The following B3GAT2 variants were observed in gnomAD, a reference collection of about 807,000 sequenced individuals.
B3GAT2 encodes galactosylgalactosylxylosylprotein 3-beta-glucuronosyltransferase 2.
In B3GAT2, 26 loss-of-function variants were observed where a neutral mutation model predicts 27.8. The observed-to-expected ratio is 0.93, with a 90% CI of 0.68 to 1.30. B3GAT2 has a LOEUF of 1.30. B3GAT2 is among the 50% of genes most tolerant of loss of function. The probability of loss-of-function intolerance (pLI) is 0.00; values close to 1 mark genes in which losing one functional copy is unlikely to be tolerated. For missense variants in B3GAT2, 458 were observed against 459.0 expected, an observed-to-expected ratio of 1.00 and a Z score of 0.02; for synonymous variants, 218 against 195.1, an observed-to-expected ratio of 1.12 and a Z score of -0.98.
At chr6:70,882,725 G>A (rs1395611463) in intron 2 of B3GAT2, among the ~76,000 whole-genome samples, 1 of 152,060 alleles carries the variant, frequency 6.6e-6, no homozygotes, top group Non-Finnish European at 1.5e-5. Flanking sequence ...TCAAAAATGG[G>A]CAAAGTCCAA....
intron 1 of B3GAT2, among the ~76,000 whole-genome samples, chr6:70,950,012 CAT>C (rs1463483954): frequency 1.4e-5 from 2 of 146,184 alleles, no homozygotes; most frequent in African/African-American, 5.1e-5. Flanking sequence ...AATGAGAACA[CAT>C]GGACACAGGA....
At chr6:70,907,316 T>A (rs147932288) in intron 1 of B3GAT2, among the ~76,000 whole-genome samples, 1 of 152,276 alleles carries the variant, frequency 6.6e-6, no homozygotes, top group East Asian at 1.9e-4. Context: ...TCCCAGCACA[T>A]TGCCATGTCT....
intron 1 of B3GAT2, among the ~76,000 whole-genome samples, chr6:70,921,410 T>C (rs1369522898): frequency 6.6e-6 from 1 of 152,240 alleles, no homozygotes; most frequent in Non-Finnish European, 1.5e-5. Flanking sequence ...ATGCTTGTGA[T>C]TGCATTATGA....
rs745563017 is a variant in B3GAT2, at chr6:70,861,744, G to C, written c.891C>G (p.Leu297=). Residue 297 remains leucine, a synonymous_variant, in exon 4 of 4, where the codon CTC becomes CTG. Coordinates refer to ENST00000230053, the MANE Select transcript of B3GAT2 (RefSeq NM_080742.3). The stretch of plus-strand genomic sequence containing the variant: ...CCTTCTCTGTCCGAGTGTGCCACAC[G>C]AGAACCTGAAGGGGAAGGAAATAGC... ...EPKANNCTKV[L]VWHTRTEKVN... 6.2e-7 allele frequency: 1 copy of C among 1,614,034 alleles called. No homozygotes were observed. The highest frequency in any genetic ancestry group is 1.1e-5 in the South Asian group (1 of 91,082).
At position 70,857,951 on chromosome 6, in the gene B3GAT2, T is replaced by C; in HGVS notation, c.*3712A>G. On this transcript the variant is annotated 3_prime_UTR_variant, in exon 4 of 4. Coordinates refer to ENST00000230053, the MANE Select transcript of B3GAT2 (RefSeq NM_080742.3). The stretch of plus-strand genomic sequence containing the variant: ...ATTTATGGGACCCACAAATATACCA[T>C]TTACCTCACAAGCACCAGCTGCATT... 3.7e-6 allele frequency: 6 copies of C among 1,614,152 alleles called. No individual in the cohort carries two copies. Among genetic ancestry groups the C allele is most frequent in the Non-Finnish European group, 5.1e-6 (6 of 1,179,998 alleles).
chr6:70,942,533 T>A (rs1239514662), intron 1 of B3GAT2, among the ~76,000 whole-genome samples: 2 of 152,152 alleles, frequency 1.3e-5, no homozygotes, highest in South Asian at 4.1e-4. Context: ...CAATTACTCC[T>A]ACAATCAACA....
chr6:70,949,592 T>C (rs1159063777), intron 1 of B3GAT2, among the ~76,000 whole-genome samples: 1 of 145,928 alleles, frequency 6.9e-6, no homozygotes, highest in Non-Finnish European at 1.5e-5. Context: ...AGGAACACTT[T>C]TACACTGTTG....
intron 2 of B3GAT2, among the ~76,000 whole-genome samples, chr6:70,876,266 T>C (rs1278851249): frequency 6.6e-6 from 1 of 152,196 alleles, no homozygotes; most frequent in African/African-American, 2.4e-5. Flanking sequence ...TTTTAAATGG[T>C]AGCTCTTCAG....
rs760054847 is a variant in B3GAT2, at chr6:70,860,272, A to G, written c.*1391T>C. On this transcript the variant is annotated 3_prime_UTR_variant, in exon 4 of 4. Coordinates refer to ENST00000230053, the MANE Select transcript of B3GAT2 (RefSeq NM_080742.3). ...TGCAGGTTTTGGCCAGCCCTCCAGC[A>G]CAACAGCAGGATGGTCTGGAAGCTC... The G allele has an allele frequency of 4.3e-6, 7 of 1,613,770 alleles. No homozygotes were observed. The highest frequency in any genetic ancestry group is 2.2e-5 in the East Asian group (1 of 44,882).
intron 1 of B3GAT2, among the ~76,000 whole-genome samples, chr6:70,918,947 G>A (rs929905830): frequency 6.6e-6 from 1 of 152,172 alleles, no homozygotes; most frequent in Non-Finnish European, 1.5e-5. Flanking sequence ...GGCCTGCCTT[G>A]CTAGGTTGGG....
At chr6:70,873,495 G>C (rs942618864) in intron 2 of B3GAT2, among the ~76,000 whole-genome samples, 1 of 152,068 alleles carries the variant, frequency 6.6e-6, no homozygotes, top group Non-Finnish European at 1.5e-5. Flanking sequence ...TTACTCTCAA[G>C]ATTCTCTTCA....
At chr6:70,920,765 C>A (rs1408960974) in intron 1 of B3GAT2, among the ~76,000 whole-genome samples, 1 of 152,110 alleles carries the variant, frequency 6.6e-6, no homozygotes, top group Admixed American at 6.5e-5. Context: ...TTGTGGTGGC[C>A]AGTAACAGTC....
intron 1 of B3GAT2, among the ~76,000 whole-genome samples, chr6:70,895,217 T>A (rs1277938096): frequency 6.6e-6 from 1 of 152,124 alleles, no homozygotes. Flanking sequence ...CTGCATGAGG[T>A]GGTCTTGTTG....
chr6:70,956,988 TCG>T lies in B3GAT2; in HGVS notation c.-561_-560del. 1.0e-6 allele frequency: 1 copy of T among 996,224 alleles called. No homozygotes were observed. The highest frequency in any genetic ancestry group is 1.2e-6 in the Non-Finnish European group (1 of 837,786). The allele number at this position is 996,224 out of a possible 1,614,324, so 61.7% of individuals were successfully genotyped here. On this transcript the variant is annotated 5_prime_UTR_variant, in exon 1 of 4. Coordinates refer to ENST00000230053, the MANE Select transcript of B3GAT2 (RefSeq NM_080742.3). ...GCTGGGGGTTGTGTCCCGGCTGTGT[TCG>T]CGCGCCGCAGCGGAAGCCTGCTCTC...
In B3GAT2 at chr6:70,857,419, AATC is replaced by A. The variant is rs1483874877; in HGVS notation, c.*4241_*4243del. ...AAAAAAAATCTATGAATTTTTTTGT[AATC>A]ATAACAAAATATTAGCATAAGCCTT... On this transcript the variant is annotated 3_prime_UTR_variant, in exon 4 of 4. Coordinates refer to ENST00000230053, the MANE Select transcript of B3GAT2 (RefSeq NM_080742.3). The A allele has an allele frequency of 6.0e-6, 1 of 167,786 alleles. No homozygotes were observed. The highest frequency in any genetic ancestry group is 1.3e-5 in the Non-Finnish European group (1 of 78,046). The allele number at this position is 167,786 out of a possible 1,614,324, so 10.4% of individuals were successfully genotyped here. A position where few individuals can be genotyped will look rare whatever the true frequency, so the allele number is the denominator to read the frequency against.
chr6:70,934,341 C>G (rs761819386), intron 1 of B3GAT2, among the ~76,000 whole-genome samples: 2 of 152,072 alleles, frequency 1.3e-5, no homozygotes, highest in African/African-American at 2.4e-5. Context: ...CCATGCTTCT[C>G]TCTCGCTCTG....
chr6:70,882,135 C>T (rs112217941), intron 2 of B3GAT2, among the ~76,000 whole-genome samples: 3 of 152,140 alleles, frequency 2.0e-5, no homozygotes, highest in African/African-American at 4.8e-5. Context: ...TGGAAGACAA[C>T]GAGGAAAGCT....
chr6:70,950,207 TAATAA>T (rs1008645837), intron 1 of B3GAT2, among the ~76,000 whole-genome samples: 12 of 146,476 alleles, frequency 8.2e-5, no homozygotes, highest in Non-Finnish European at 1.1e-4. Context: ...AGTATAATAA[TAATAA>T]AATAAAATAA....
At chr6:70,925,213 A>G (rs1358994833) in intron 1 of B3GAT2, among the ~76,000 whole-genome samples, 1 of 152,262 alleles carries the variant, frequency 6.6e-6, no homozygotes, top group African/African-American at 2.4e-5. Context: ...TCTAGTCTAC[A>G]GCTCATGCAT....
Sources: gnomAD v4.1 joint callset for allele counts (sites outside exome capture counted in the v4.1 genomes callset) on GRCh38, gnomAD v4.1.1 for gene constraint, MANE v1.5 for transcripts, NCBI Gene and HGNC (gene_info 2026-07-23, HGNC 2026-07-21) for gene names.